The following UQCC1 variants were observed in gnomAD, a reference collection of about 807,000 sequenced individuals.
The protein encoded by UQCC1 is ubiquinol-cytochrome c reductase complex assembly factor 1, also known as bFGF-repressed Zic-binding protein.
A neutral mutation model predicts 48.0 loss-of-function variants in UQCC1; 38 were observed. The observed-to-expected ratio is 0.79, with a 90% confidence interval of 0.61 to 1.04. The LOEUF is 1.04. Ranked by LOEUF, UQCC1 falls within the 50% of genes least tolerant of loss-of-function variation. UQCC1 has a pLI of 0.00. For missense variants in UQCC1, 368 were observed against 381.8 expected, an observed-to-expected ratio of 0.96 and a Z score of 0.30; for synonymous variants, 111 against 129.2, an observed-to-expected ratio of 0.86 and a Z score of 0.95.
intron 1 of UQCC1, among the ~76,000 whole-genome samples, chr20:35,406,298 A>G (rs1197457707): frequency 6.6e-6 from 1 of 152,218 alleles, no homozygotes; most frequent in African/African-American, 2.4e-5. Flanking sequence ...ACACAAAGAG[A>G]GCCACAGACA....
intron 6 of UQCC1, among the ~76,000 whole-genome samples, chr20:35,355,717 C>A (rs1346556050): frequency 6.6e-6 from 1 of 152,144 alleles, no homozygotes; most frequent in Non-Finnish European, 1.5e-5. Flanking sequence ...CTACCTTCAT[C>A]CCCTGCCAAC....
At chr20:35,364,472 T>G (rs138186365) in intron 6 of UQCC1, among the ~76,000 whole-genome samples, 3 of 152,234 alleles carry the variant, frequency 2.0e-5, no homozygotes, top group Non-Finnish European at 1.5e-5. Flanking sequence ...AAAGAATGCA[T>G]GTCATACCCT....
intron 2 of UQCC1, among the ~76,000 whole-genome samples, chr20:35,393,514 ACAC>A (rs1568706833): frequency 0.014 from 2,110 of 151,276 alleles, 46 homozygotes; most frequent in African/African-American, 0.047. Flanking sequence ...ACACACACAC[ACAC>A]ACACACACAC....
chr20:35,341,523 C>T (rs1158831922), intron 7 of UQCC1, among the ~76,000 whole-genome samples: 6 of 152,180 alleles, frequency 3.9e-5, no homozygotes, highest in African/African-American at 1.4e-4. Flanking sequence ...TTACTGGGCA[C>T]CTATTCAGGA....
At chr20:35,347,013 C>T in intron 7 of UQCC1, 151 bp downstream of exon 7, 2 of 1,571,032 alleles carry the variant, frequency 1.3e-6, no homozygotes. Context: ...TCCACAGAGG[C>T]AGAAAAAGTG....
intron 7 of UQCC1, among the ~76,000 whole-genome samples, chr20:35,338,856 GAAAAAAAAAAAAAAAAAAAAA>G (rs1172467457): frequency 4.1e-4 from 11 of 26,842 alleles, no homozygotes; most frequent in East Asian, 2.0e-3. Flanking sequence ...CGTCTCAAAA[GAAAAAAAAAAAAAAAAAAAAA>G]AAAAAAAAAA....
intron 8 of UQCC1, among the ~76,000 whole-genome samples, chr20:35,310,410 C>T (rs1043417579): frequency 6.6e-6 from 1 of 151,720 alleles, no homozygotes; most frequent in Non-Finnish European, 1.5e-5. Flanking sequence ...TTTGGGAGGC[C>T]GAGGTGGGTG....
At chr20:35,388,922 T>C (rs2146501918) in intron 2 of UQCC1, among the ~76,000 whole-genome samples, 1 of 151,910 alleles carries the variant, frequency 6.6e-6, no homozygotes, top group East Asian at 1.9e-4. Flanking sequence ...AAAAATTAGC[T>C]GGGCGTGGTG....
intron 5 of UQCC1, among the ~76,000 whole-genome samples, chr20:35,368,823 C>G (rs903614384): frequency 1.6e-4 from 24 of 152,120 alleles, no homozygotes; most frequent in African/African-American, 5.8e-4. Context: ...CCTCTCAGAG[C>G]CCAGCAGGAG....
chr20:35,377,150 G>T (rs1448184005), intron 4 of UQCC1, among the ~76,000 whole-genome samples: 2 of 152,006 alleles, frequency 1.3e-5, no homozygotes, highest in Admixed American at 1.3e-4. Flanking sequence ...CATGAACATA[G>T]ATCATTGATG....
chr20:35,313,503 C>A (rs1474532145), intron 8 of UQCC1, among the ~76,000 whole-genome samples: 3 of 151,444 alleles, frequency 2.0e-5, no homozygotes, highest in African/African-American at 7.3e-5. Flanking sequence ...ACTCCAGTTG[C>A]ATAAAGAAGG....
intron 9 of UQCC1, among the ~76,000 whole-genome samples, chr20:35,306,229 A>G (rs537053367): frequency 6.6e-6 from 1 of 152,292 alleles, no homozygotes; most frequent in East Asian, 1.9e-4. Context: ...TGTCTGTGAA[A>G]TGCTGCCTGC....
rs144359870 is a variant in UQCC1 at position 35,329,797 on chromosome 20, G to A, written c.574-15032C>T. On this transcript the variant is annotated intron_variant, in intron 7 of 9. Transcript: ENST00000374385. ...AGAGTCTTGTGGTAGGACATGGAGT[G>A]AGAGGCATAGTCAACCCCAAGAGCT... Among the ~76,000 whole-genome samples the A allele has an allele frequency of 3.0e-3, 460 of 152,328 alleles. 20 individuals are homozygous for A. The East Asian group carries it at 0.082, about 27-fold the overall frequency.
At chr20:35,331,030 G>A (rs930558596) in intron 7 of UQCC1, among the ~76,000 whole-genome samples, 7 of 152,148 alleles carry the variant, frequency 4.6e-5, no homozygotes, top group African/African-American at 2.4e-5. Flanking sequence ...TGAAGGAGAA[G>A]GAGTATAGCC....
chr20:35,328,553 C>T (rs1211500666), intron 7 of UQCC1, among the ~76,000 whole-genome samples: 1 of 152,152 alleles, frequency 6.6e-6, no homozygotes, highest in Non-Finnish European at 1.5e-5. Context: ...AGAAAGGAAA[C>T]AGGCATAGAG....
intron 7 of UQCC1, among the ~76,000 whole-genome samples, chr20:35,327,198 A>G (rs532075988): frequency 3.0e-4 from 45 of 152,326 alleles, no homozygotes; most frequent in African/African-American, 1.0e-3. Context: ...AATGAACTGA[A>G]TCACAGGAGT....
At chr20:35,317,585 T>G (rs1384462736) in intron 7 of UQCC1, among the ~76,000 whole-genome samples, 1 of 152,220 alleles carries the variant, frequency 6.6e-6, no homozygotes, top group Non-Finnish European at 1.5e-5. Flanking sequence ...GGGCATATTT[T>G]CTGCCTGGGT....
chr20:35,386,590 C>T (rs1441993383), intron 2 of UQCC1, among the ~76,000 whole-genome samples: 60 of 152,172 alleles, frequency 3.9e-4, no homozygotes, highest in Non-Finnish European at 2.4e-4. Flanking sequence ...TACATCAATG[C>T]AATGGTCCAC....
chr20:35,399,431 G>C (rs1447445959), intron 1 of UQCC1, among the ~76,000 whole-genome samples: 2 of 152,102 alleles, frequency 1.3e-5, no homozygotes, highest in East Asian at 3.9e-4. Context: ...CCACTCAACA[G>C]TTTCAACACC....
Sources: gnomAD v4.1 joint callset for allele counts (sites outside exome capture counted in the v4.1 genomes callset) on GRCh38, gnomAD v4.1.1 for gene constraint, MANE v1.5 for transcripts, NCBI Gene and HGNC (gene_info 2026-07-23, HGNC 2026-07-21) for gene names.